AGBL4: variants seen among roughly 807,000 people sequenced by gnomAD.
AGBL4 encodes cytosolic carboxypeptidase 6.
Under a neutral mutation model 66.4 loss-of-function variants are expected in AGBL4, and 58 were observed. The ratio of observed to expected loss-of-function variants is 0.87; its 90% CI spans 0.71 to 1.09. The LOEUF (loss-of-function observed/expected upper bound fraction) is 1.09. AGBL4 is among the 50% of genes least tolerant of loss of function. AGBL4 has a pLI of 0.00. For synonymous variants in AGBL4, 234 were observed against 222.9 expected (o/e 1.05, Z -0.44); for missense variants, 579 against 631.0 (o/e 0.92, Z 0.88).
At chr1:49,602,668 A>T (rs1464153383) in intron 3 of AGBL4, among the ~76,000 whole-genome samples, 2 of 151,968 alleles carry the variant, frequency 1.3e-5, no homozygotes. Context: ...CAGGGAGGGG[A>T]ACATCACACA....
intron 2 of AGBL4, among the ~76,000 whole-genome samples, chr1:49,719,869 T>C (rs1471770617): frequency 6.6e-6 from 1 of 152,092 alleles, no homozygotes; most frequent in Non-Finnish European, 1.5e-5. Flanking sequence ...TTGCTCAGCA[T>C]TTCTCCTTGC....
intron 12 of AGBL4, among the ~76,000 whole-genome samples, chr1:48,536,269 GC>G (rs1213693089): frequency 1.3e-5 from 2 of 152,190 alleles, no homozygotes; most frequent in Admixed American, 1.3e-4. Flanking sequence ...ACTTGTTCAG[GC>G]TGAAGCATAG....
intron 1 of AGBL4, chr1:49,995,922 C>G (rs1660334699): frequency 6.6e-6 from 1 of 152,244 alleles, no homozygotes. Context: ...CAGCCCAGAG[C>G]CCAGTATCTC....
intron 3 of AGBL4, among the ~76,000 whole-genome samples, chr1:49,554,451 T>C (rs1415550937): frequency 6.6e-6 from 1 of 152,208 alleles, no homozygotes; most frequent in Non-Finnish European, 1.5e-5. Flanking sequence ...AATAAAACAA[T>C]TGAAACCATT....
intron 5 of AGBL4, among the ~76,000 whole-genome samples, chr1:48,982,450 GT>G (rs1289363579): frequency 2.0e-5 from 3 of 151,894 alleles, no homozygotes; most frequent in Admixed American, 6.6e-5. Flanking sequence ...GAGGTGTTTG[GT>G]TTTTTTGTCC....
chr1:49,032,763 G>T (rs1664334579), intron 5 of AGBL4, among the ~76,000 whole-genome samples: 2 of 152,184 alleles, frequency 1.3e-5, no homozygotes, highest in Admixed American at 6.5e-5. Flanking sequence ...CAGCAGAGAT[G>T]AGGAAGGGAC....
rs540102248 is a variant in AGBL4 at position 48,636,147 on chromosome 1, G to A, written c.840-1543C>T. The stretch of plus-strand genomic sequence containing the variant: ...TTTTTTCTTAGAACAGTTCCCAGAA[G>A]TAGAATTGCTTGGTAAGAGGATTGA... On this transcript the variant is annotated intron_variant, in intron 8 of 13. Coordinates refer to ENST00000371839, the MANE Select transcript of AGBL4 (RefSeq NM_032785.4). 5.3e-5 allele frequency among the ~76,000 whole-genome samples: 8 copies of A among 152,276 alleles called. No individual in the cohort carries two copies. The South Asian group carries it at 1.7e-3, about 32-fold the overall frequency.
intron 6 of AGBL4, among the ~76,000 whole-genome samples, chr1:48,765,102 C>A (rs1644465931): frequency 6.6e-6 from 1 of 152,042 alleles, no homozygotes; most frequent in African/African-American, 2.4e-5. Flanking sequence ...CTCAAAGATG[C>A]ATTACACATC....
At chr1:50,002,979 C>T (rs1392597327) in intron 1 of AGBL4, among the ~76,000 whole-genome samples, 2 of 151,992 alleles carry the variant, frequency 1.3e-5, no homozygotes, top group East Asian at 1.9e-4. Context: ...GTTAAAACAA[C>T]AAAAAAGTAA....
At chr1:49,975,193 AC>A (rs1658454946) in intron 1 of AGBL4, among the ~76,000 whole-genome samples, 3 of 152,196 alleles carry the variant, frequency 2.0e-5, no homozygotes, top group Non-Finnish European at 4.4e-5. Flanking sequence ...TATTAAGAAC[AC>A]CTTTTACATT....
At chr1:49,503,100 T>A (rs930922376) in intron 3 of AGBL4, among the ~76,000 whole-genome samples, 1 of 152,020 alleles carries the variant, frequency 6.6e-6, no homozygotes, top group Non-Finnish European at 1.5e-5. Flanking sequence ...CAGGGCCCCT[T>A]TGCTGTGTGC....
intron 2 of AGBL4, among the ~76,000 whole-genome samples, 196 bp downstream of exon 2, chr1:49,851,199 AT>A (rs1557512622): frequency 6.6e-6 from 1 of 152,114 alleles, no homozygotes; most frequent in Admixed American, 6.6e-5. Context: ...CATCAATTAT[AT>A]TTTTAATCAT....
intron 3 of AGBL4, chr1:49,266,261 G>A (rs1000436665): frequency 3.3e-5 from 5 of 151,902 alleles, no homozygotes; most frequent in African/African-American, 1.2e-4. Context: ...AAGGGGAATG[G>A]AGCAAAACAT....
intron 5 of AGBL4, among the ~76,000 whole-genome samples, chr1:49,042,935 A>G (rs1468553684): frequency 1.3e-5 from 2 of 152,150 alleles, no homozygotes; most frequent in East Asian, 1.9e-4. Flanking sequence ...CTCAATAAAC[A>G]TTCATTGTGC....
intron 3 of AGBL4, among the ~76,000 whole-genome samples, chr1:49,465,210 T>TACACACACACACACAC (rs3054630): frequency 8.6e-5 from 10 of 116,836 alleles, no homozygotes; most frequent in African/African-American, 2.3e-4. Context: ...TACCCCTACA[T>TACACACACACACACAC]ACACACACAC....
At chr1:48,951,960 C>T (rs1657026313) in intron 5 of AGBL4, among the ~76,000 whole-genome samples, 1 of 152,204 alleles carries the variant, frequency 6.6e-6, no homozygotes, top group South Asian at 2.1e-4. Context: ...CTTTGAGAAG[C>T]TGGATAATTT....
At chr1:49,444,896 G>A (rs1167268) in intron 3 of AGBL4, among the ~76,000 whole-genome samples, 104,129 of 151,572 alleles carry the variant, frequency 0.69, 36,511 homozygotes, top group African/African-American at 0.79. Context: ...TAGTGGCACC[G>A]TTTGCATCCT....
At chr1:48,648,104 G>T (rs1454679751) in intron 8 of AGBL4, among the ~76,000 whole-genome samples, 2 of 152,042 alleles carry the variant, frequency 1.3e-5, no homozygotes, top group Non-Finnish European at 2.9e-5. Flanking sequence ...TAAGTGTAGG[G>T]TTTGATGGCA....
intron 3 of AGBL4, among the ~76,000 whole-genome samples, chr1:49,389,645 G>A (rs1644806531): frequency 6.6e-6 from 1 of 152,016 alleles, no homozygotes; most frequent in African/African-American, 2.4e-5. Context: ...ATTTAAACAT[G>A]GATTCATTTA....
Sources: gnomAD v4.1 joint callset for allele counts (sites outside exome capture counted in the v4.1 genomes callset) on GRCh38, gnomAD v4.1.1 for gene constraint, MANE v1.5 for transcripts, NCBI Gene and HGNC (gene_info 2026-07-23, HGNC 2026-07-21) for gene names.